SLC1A2: variants seen among roughly 807,000 people sequenced by gnomAD.
The protein encoded by SLC1A2 is excitatory amino acid transporter 2.
SLC1A2 carries 15 observed loss-of-function variants against 48.8 expected under a neutral mutation model. The observed-to-expected ratio is 0.31, with a 90% CI of 0.21 to 0.47. SLC1A2 has a LOEUF of 0.47. Among genes scored for constraint, SLC1A2 ranks in the 20% least tolerant of loss-of-function variants. SLC1A2 has a pLI of 0.99. For synonymous variants in SLC1A2, 279 were observed against 272.6 expected, an observed-to-expected ratio of 1.02 and a Z score of -0.23; for missense variants, 502 against 730.5, an observed-to-expected ratio of 0.69 and a Z score of 3.61.
At chr11:35,349,504 C>A (rs1678839074) in intron 1 of SLC1A2, among the ~76,000 whole-genome samples, 1 of 152,202 alleles carries the variant, frequency 6.6e-6, no homozygotes, top group Non-Finnish European at 1.5e-5. Flanking sequence ...CTCAGACCCA[C>A]TTCCTCTGCC....
chr11:35,292,810 A>G (rs1851053749), intron 6 of SLC1A2, among the ~76,000 whole-genome samples: 1 of 152,164 alleles, frequency 6.6e-6, no homozygotes, highest in South Asian at 2.1e-4. Flanking sequence ...TATCTTTACC[A>G]TCAAGTTCAA....
intron 1 of SLC1A2, chr11:35,360,142 C>G: frequency 1.1e-5 from 11 of 969,148 alleles, no homozygotes; most frequent in Non-Finnish European, 1.3e-5. Flanking sequence ...GAAAAGCTGT[C>G]GGGGGCTTTA....
At chr11:35,417,391 A>G (rs1172842744) in intron 1 of SLC1A2, among the ~76,000 whole-genome samples, 2 of 152,238 alleles carry the variant, frequency 1.3e-5, no homozygotes, top group Non-Finnish European at 2.9e-5. Context: ...GAAGACTAAT[A>G]TCATCCATCT....
intron 1 of SLC1A2, among the ~76,000 whole-genome samples, chr11:35,381,193 C>T (rs1165048341): frequency 6.6e-6 from 1 of 152,126 alleles, no homozygotes; most frequent in Non-Finnish European, 1.5e-5. Context: ...TGATTGTCAT[C>T]ACACGGTGAT....
intron 1 of SLC1A2, among the ~76,000 whole-genome samples, chr11:35,355,023 A>G (rs1853406802): frequency 2.0e-5 from 3 of 152,252 alleles, no homozygotes; most frequent in African/African-American, 7.2e-5. Context: ...AAATCAATGG[A>G]AACTCCTATA....
chr11:35,313,141 A>G lies in SLC1A2; in HGVS notation c.311-693T>C, dbSNP rs567761172. ...TGAAGCGATGCTGCTGGTACATGCT[A>G]GTTTTTAACTTGTTTATTTATTTAT... On this transcript the variant is annotated intron_variant, in intron 3 of 10. Transcript: ENST00000278379. Among the ~76,000 whole-genome samples the G allele has an allele frequency of 7.2e-5, 11 of 152,268 alleles. 1 individual carries two copies. In the South Asian group the frequency reaches 2.3e-3, roughly 32 times the overall value.
At chr11:35,400,274 A>T (rs973674962) in intron 1 of SLC1A2, among the ~76,000 whole-genome samples, 19 of 152,334 alleles carry the variant, frequency 1.2e-4, no homozygotes, top group African/African-American at 4.6e-4. Context: ...ACAATAGGAG[A>T]TAGTTTGTAA....
At chr11:35,345,186 C>T (rs4756217) in intron 1 of SLC1A2, among the ~76,000 whole-genome samples, 88,131 of 152,014 alleles carry the variant, frequency 0.58, 26,105 homozygotes, top group East Asian at 0.7. Context: ...CCAAAGGACT[C>T]GCAGTGCTAA....
At position 35,414,731 on chromosome 11, in the gene SLC1A2, T is replaced by C. The variant is rs2756219; in HGVS notation, c.17+4219A>G. Among the ~76,000 whole-genome samples the C allele has an allele frequency of 8.5e-3, 1,295 of 152,376 alleles. 17 individuals carry two copies. Among genetic ancestry groups the C allele is most frequent in the African/African-American group, 0.029 (1,212 of 41,594 alleles). ...TTCTTCAGACTGCGAAGACAAGTTC[T>C]TTAAATGCAAGCAAAACTAAAATTT... is the stretch of plus-strand genomic sequence containing the variant. On this transcript the variant is annotated intron_variant, in intron 1 of 10. Coordinates refer to ENST00000278379, the MANE Select transcript of SLC1A2 (RefSeq NM_004171.4).
At chr11:35,405,878 C>A (rs7938934) in intron 1 of SLC1A2, among the ~76,000 whole-genome samples, 86,717 of 152,048 alleles carry the variant, frequency 0.57, 25,209 homozygotes, top group Middle Eastern at 0.69. Context: ...ACCCAACAAG[C>A]AAAAGGAAAT....
At chr11:35,405,897 A>T (rs1246953647) in intron 1 of SLC1A2, among the ~76,000 whole-genome samples, 1 of 152,196 alleles carries the variant, frequency 6.6e-6, no homozygotes, top group African/African-American at 2.4e-5. Context: ...ATGTTTTCTC[A>T]ACCTTGGATC....
chr11:35,278,033 C>T (rs1168955281), intron 9 of SLC1A2, among the ~76,000 whole-genome samples: 1 of 152,106 alleles, frequency 6.6e-6, no homozygotes, highest in Non-Finnish European at 1.5e-5. Flanking sequence ...CCCTTGGGGC[C>T]AATATAGGAC....
intron 10 of SLC1A2, chr11:35,261,998 G>A (rs1950401495): frequency 5.8e-6 from 2 of 342,442 alleles, no homozygotes; most frequent in African/African-American, 2.1e-5. Context: ...TCCACATGCA[G>A]TTATTCTGAT....
At chr11:35,309,299 C>A (rs146817225) in intron 4 of SLC1A2, among the ~76,000 whole-genome samples, 1 of 152,150 alleles carries the variant, frequency 6.6e-6, no homozygotes, top group African/African-American at 2.4e-5. Flanking sequence ...CTCCTCCCCC[C>A]GTGGCATCCT....
At chr11:35,358,768 A>C (rs960497458) in intron 1 of SLC1A2, among the ~76,000 whole-genome samples, 3 of 152,200 alleles carry the variant, frequency 2.0e-5, no homozygotes, top group African/African-American at 7.2e-5. Flanking sequence ...ACACTGAATA[A>C]TGTGTTGAGA....
intron 1 of SLC1A2, among the ~76,000 whole-genome samples, chr11:35,418,104 GTCCAAGGAC>G: frequency 6.6e-6 from 1 of 152,290 alleles, no homozygotes; most frequent in Admixed American, 6.5e-5. Context: ...GGAGATACTG[GTCCAAGGAC>G]TCTGTGGACC....
intron 1 of SLC1A2, among the ~76,000 whole-genome samples, chr11:35,389,414 G>GTTTTTAAC (rs1854689665): frequency 6.6e-6 from 1 of 151,402 alleles, no homozygotes; most frequent in African/African-American, 2.4e-5. Context: ...TTTTTGTTTT[G>GTTTTTAAC]TTTTTAACTA....
At chr11:35,321,908 G>T (rs901227555) in intron 1 of SLC1A2, among the ~76,000 whole-genome samples, 4 of 151,994 alleles carry the variant, frequency 2.6e-5, no homozygotes, top group Non-Finnish European at 4.4e-5. Flanking sequence ...CAAATCCCTC[G>T]AGGCTAATGC....
chr11:35,352,118 C>T (rs1258852411), intron 1 of SLC1A2: 1 of 152,100 alleles, frequency 6.6e-6, no homozygotes, highest in Non-Finnish European at 1.5e-5. Flanking sequence ...AACAAAGTTG[C>T]TAACTAAGCT....
Sources: gnomAD v4.1 joint callset for allele counts (sites outside exome capture counted in the v4.1 genomes callset) on GRCh38, gnomAD v4.1.1 for gene constraint, MANE v1.5 for transcripts, NCBI Gene and HGNC (gene_info 2026-07-23, HGNC 2026-07-21) for gene names.